The following CTIF variants were observed in gnomAD, a reference collection of about 807,000 sequenced individuals.
CTIF encodes CBP80/20-dependent translation initiation factor.
CTIF carries 21 observed loss-of-function variants against 66.0 expected under a neutral mutation model. That is an observed-to-expected ratio of 0.32 (90% CI 0.23 to 0.46). The LOEUF is 0.46. Ranked by LOEUF, CTIF falls within the 20% of genes least tolerant of loss-of-function variation. The pLI is 1.00. For synonymous variants in CTIF, 345 were observed against 326.4 expected, an observed-to-expected ratio of 1.06 and a Z score of -0.62; for missense variants, 739 against 812.7, an observed-to-expected ratio of 0.91 and a Z score of 1.10.
chr18:48,725,368 A>G (rs1211231390), intron 7 of CTIF, among the ~76,000 whole-genome samples: 1 of 152,128 alleles, frequency 6.6e-6, no homozygotes, highest in Non-Finnish European at 1.5e-5. Context: ...CACAAAGGCC[A>G]ATTCCCTCCC....
intron 1 of CTIF, among the ~76,000 whole-genome samples, chr18:48,611,565 G>A (rs961584014): frequency 3.9e-5 from 6 of 152,242 alleles, no homozygotes; most frequent in Non-Finnish European, 5.9e-5. Context: ...TCTATTTCAA[G>A]TGTAGTTCTC....
At chr18:48,754,719 G>C (rs938570738) in intron 7 of CTIF, among the ~76,000 whole-genome samples, 4 of 152,334 alleles carry the variant, frequency 2.6e-5, no homozygotes, top group Admixed American at 2.6e-4. Flanking sequence ...CAAAGGAGCC[G>C]CCGCCCAGCA....
intron 1 of CTIF, among the ~76,000 whole-genome samples, chr18:48,561,962 C>T (rs1196650452): frequency 6.6e-6 from 1 of 152,174 alleles, no homozygotes; most frequent in Admixed American, 6.5e-5. Context: ...TGTTTCTTCA[C>T]GTACATCTAC....
rs569995098 is a variant in CTIF at position 48,746,155 on chromosome 18, G to T, written c.585-11764G>T. On this transcript the variant is annotated intron_variant, in intron 7 of 11. Coordinates refer to ENST00000256413, the MANE Select transcript of CTIF (RefSeq NM_014772.3). ...CCGGCTCCTCTGTGTCCCATCTGTG[G>T]GGCCATCTTTGCTTCACGTAGGGGC... Among the ~76,000 whole-genome samples the T allele has an allele frequency of 2.2e-4, 33 of 152,288 alleles. No homozygotes were observed. The South Asian group carries it at 6.6e-3, about 31-fold the overall frequency.
At chr18:48,640,637 C>T (rs77814761) in intron 3 of CTIF, among the ~76,000 whole-genome samples, 139 of 152,322 alleles carry the variant, frequency 9.1e-4, no homozygotes, top group African/African-American at 2.4e-3. Flanking sequence ...ACGTTGGCTG[C>T]ACATGTCCAG....
intron 9 of CTIF, among the ~76,000 whole-genome samples, chr18:48,777,084 A>G (rs972223378): frequency 5.3e-5 from 8 of 152,220 alleles, no homozygotes; most frequent in African/African-American, 1.9e-4. Flanking sequence ...TTGCTGACTG[A>G]TTGGTTAGCG....
At chr18:48,626,493 G>A (rs1050104740) in intron 2 of CTIF, among the ~76,000 whole-genome samples, 20 of 151,644 alleles carry the variant, frequency 1.3e-4, no homozygotes, top group Admixed American at 1.3e-4. Context: ...GATTACAGGC[G>A]TGTGCTACCA....
intron 10 of CTIF, among the ~76,000 whole-genome samples, chr18:48,856,188 G>A (rs16950056): frequency 0.3 from 45,886 of 152,106 alleles, 8,450 homozygotes; most frequent in African/African-American, 0.52. Context: ...GAGGGTTTCA[G>A]GCACTCGGTG....
intron 3 of CTIF, among the ~76,000 whole-genome samples, chr18:48,654,416 A>G (rs1370917509): frequency 6.6e-6 from 1 of 152,258 alleles, no homozygotes; most frequent in East Asian, 1.9e-4. Context: ...GATCAAAACC[A>G]CAATGAGATA....
chr18:48,711,745 C>A (rs745497505), intron 7 of CTIF, 50 bp downstream of exon 7: 7 of 1,493,098 alleles, frequency 4.7e-6, no homozygotes, highest in Non-Finnish European at 6.5e-6. Flanking sequence ...CTGCTTCTGC[C>A]ATCTGTAGCG....
At position 48,846,768 on chromosome 18, in the gene CTIF, AGGATGAAT is replaced by A. The variant is rs569612332; in HGVS notation, c.1528-10814_1528-10807del. ...ATGAGTAGGTGAGTAGATGGATGAA[AGGATGAAT>A]GGATGGATGGATGGATAGATACATG... On this transcript the variant is annotated intron_variant, in intron 10 of 11. Coordinates refer to ENST00000256413, the MANE Select transcript of CTIF (RefSeq NM_014772.3). 2.6e-3 allele frequency among the ~76,000 whole-genome samples: 377 copies of A among 142,640 alleles called. 3 individuals are homozygous for A. The highest frequency in any genetic ancestry group is 9.1e-3 in the African/African-American group (342 of 37,606). The allele number at this position is 142,640 out of a possible 152,430, so 93.6% of individuals were successfully genotyped here.
At chr18:48,701,472 C>T (rs1385311527) in intron 6 of CTIF, among the ~76,000 whole-genome samples, 1 of 151,926 alleles carries the variant, frequency 6.6e-6, no homozygotes, top group Non-Finnish European at 1.5e-5. Context: ...GGCCCGTAGC[C>T]TTTTGGTCCC....
chr18:48,734,233 G>A (rs1046047649), intron 7 of CTIF, among the ~76,000 whole-genome samples: 3 of 152,186 alleles, frequency 2.0e-5, no homozygotes, highest in African/African-American at 7.2e-5. Context: ...CCCACCCCCA[G>A]CATTGCTGTG....
intron 5 of CTIF, among the ~76,000 whole-genome samples, chr18:48,665,895 C>T (rs1207615550): frequency 6.6e-6 from 1 of 152,202 alleles, no homozygotes; most frequent in Admixed American, 6.5e-5. Context: ...CTTGAGTCAT[C>T]TCCACCTTTT....
chr18:48,719,408 C>T (rs959864455), intron 7 of CTIF, among the ~76,000 whole-genome samples: 2 of 152,154 alleles, frequency 1.3e-5, no homozygotes, highest in South Asian at 2.1e-4. Flanking sequence ...TCTTGCCCAC[C>T]GGGAACTGAT....
chr18:48,635,318 TTTTTCTTTC>T (rs1302997773), intron 2 of CTIF, among the ~76,000 whole-genome samples: 55 of 126,312 alleles, frequency 4.4e-4, no homozygotes, highest in Middle Eastern at 8.2e-3. Context: ...TTTCTTTTTC[TTTTTCTTTC>T]TTTTTTTTTT....
chr18:48,658,078 T>A (rs1598816327), intron 3 of CTIF, among the ~76,000 whole-genome samples: 1 of 152,310 alleles, frequency 6.6e-6, no homozygotes, highest in South Asian at 2.1e-4. Context: ...CTGACTTCTC[T>A]GGCTTCTTTG....
At chr18:48,781,406 G>T (rs1199944225) in intron 9 of CTIF, among the ~76,000 whole-genome samples, 1 of 152,234 alleles carries the variant, frequency 6.6e-6, no homozygotes, top group Non-Finnish European at 1.5e-5. Flanking sequence ...GGGCCCCAGG[G>T]GCCAGTGGCT....
At chr18:48,824,840 C>G (rs1483633409) in intron 10 of CTIF, among the ~76,000 whole-genome samples, 1 of 152,174 alleles carries the variant, frequency 6.6e-6, no homozygotes, top group Non-Finnish European at 1.5e-5. Flanking sequence ...CGGGGTTTCG[C>G]CATGTTGGCC....
Sources: allele counts gnomAD v4.1 joint callset (sites outside exome capture counted in the v4.1 genomes callset), GRCh38; gene constraint gnomAD v4.1.1; transcripts MANE v1.5; gene names NCBI Gene and HGNC (gene_info 2026-07-23, HGNC 2026-07-21).